Variants in LAMB4 observed in about 807,000 individuals in gnomAD.
LAMB4 encodes the protein laminin subunit beta-4.
A neutral mutation model predicts 199.2 loss-of-function variants in LAMB4; 196 were observed. The observed-to-expected ratio is 0.98, with a 90% CI of 0.88 to 1.11. The LOEUF is 1.11. Ranked by LOEUF, LAMB4 falls within the 50% of genes least tolerant of loss-of-function variation. The pLI is 0.00. For synonymous variants in LAMB4, 744 were observed against 770.6 expected (o/e 0.97, Z 0.57); for missense variants, 2,080 against 2,171.2 (o/e 0.96, Z 0.83).
In LAMB4 at chr7:108,055,917, C is replaced by G; in HGVS notation, c.3470G>C (p.Arg1157Thr). Residue 1157 changes from arginine (R) to threonine (T), a missense_variant, in exon 25 of 34, where the codon AGA (arginine) becomes ACA (threonine). By Grantham distance (71) the Arg-to-Thr change is moderately conservative. Coordinates refer to ENST00000388781, the MANE Select transcript of LAMB4 (RefSeq NM_007356.3). ...CRCREGVSGQ[R>T]CDRCARGHSQ... ...GTGTCCCCGGGCACAGCGATCACAT[C>G]TCTGGCCGCTGACACCCTCCCGGCA... 1 of 1,614,178 alleles carries G rather than the reference C, an allele frequency of 6.2e-7. No homozygotes were observed. The highest frequency in any genetic ancestry group is 8.5e-7 in the Non-Finnish European group (1 of 1,180,028).
intron 17 of LAMB4, among the ~76,000 whole-genome samples, chr7:108,076,218 T>C (rs545094307): frequency 2.0e-4 from 30 of 151,758 alleles, no homozygotes; most frequent in African/African-American, 7.0e-4. Context: ...GTAGGGAAAA[T>C]AGATAAGTAA....
chr7:108,097,528 G>A (rs924463178), intron 11 of LAMB4, among the ~76,000 whole-genome samples: 4 of 152,232 alleles, frequency 2.6e-5, no homozygotes, highest in Admixed American at 6.5e-5. Flanking sequence ...GCTCACGCCT[G>A]TAATCCCAGC....
rs1243193446 is a variant in LAMB4 at position 108,123,261 on chromosome 7, A to T, written c.-33-64T>A. The stretch of plus-strand genomic sequence containing the variant: ...GAAATAATTGCCATCATCACATGTT[A>T]TGTAAAAGTGCTTAGGGTTATCGAA... On this transcript the variant is annotated intron_variant, in intron 1 of 33. Coordinates refer to ENST00000388781, the MANE Select transcript of LAMB4 (RefSeq NM_007356.3). 6 of 987,610 alleles carry T rather than the reference A, an allele frequency of 6.1e-6. No individual in the cohort carries two copies. In the East Asian group the frequency reaches 1.2e-4, roughly 20 times the overall value. 61.2% of individuals were successfully genotyped at this position (987,610 alleles called of 1,614,324 possible). A position where few individuals can be genotyped will look rare whatever the true frequency, so the allele number is the denominator to read the frequency against.
chr7:108,129,327 G>A (rs1043440549), intron 1 of LAMB4, among the ~76,000 whole-genome samples: 1 of 152,134 alleles, frequency 6.6e-6, no homozygotes, highest in African/African-American at 2.4e-5. Context: ...TTATAACACA[G>A]AAGATAATTA....
chr7:108,025,416 T>C (rs1004953315), intron 33 of LAMB4, among the ~76,000 whole-genome samples: 1 of 118,150 alleles, frequency 8.5e-6, no homozygotes, highest in Admixed American at 7.9e-5. Context: ...TTTCTTTCTT[T>C]CTTCTTTCTT....
intron 14 of LAMB4, among the ~76,000 whole-genome samples, chr7:108,082,212 C>G (rs2036973897): frequency 6.6e-6 from 1 of 151,870 alleles, no homozygotes; most frequent in Admixed American, 6.6e-5. Flanking sequence ...CACCTGTAGT[C>G]CCGGCTACTT....
chr7:108,106,485 T>C (rs779498841), intron 7 of LAMB4, 24 bp downstream of exon 7: 1 of 1,387,118 alleles, frequency 7.2e-7, no homozygotes, highest in South Asian at 1.2e-5. Flanking sequence ...AAAGCTGATA[T>C]GAAAAATATA....
intron 2 of LAMB4, among the ~76,000 whole-genome samples, chr7:108,122,720 T>C (rs1203382395): frequency 6.6e-6 from 1 of 152,206 alleles, no homozygotes; most frequent in African/African-American, 2.4e-5. Flanking sequence ...GCATGGAGAA[T>C]TTGGCCTTTT....
chr7:108,077,057 G>A lies in LAMB4; in HGVS notation c.2011C>T (p.Leu671=), dbSNP rs2036730311. 6.2e-7 allele frequency: 1 copy of A among 1,613,396 alleles called. No individual in the cohort carries two copies. The highest frequency in any genetic ancestry group is 1.3e-5 in the African/African-American group (1 of 75,046). ...TCTAAACAGATGGGTGTGGGAAGCA[G>A]CATGATTCTGTATTAAGAAAGATAA... The part of the protein sequence containing the change: ...FALPAATRIM[L]LPTPICLEPD... Residue 671 remains leucine, a synonymous_variant, in exon 17 of 34, where the codon CTG becomes TTG. Transcript: ENST00000388781.
intron 14 of LAMB4, 110 bp downstream of exon 14, chr7:108,091,516 C>T: frequency 7.9e-7 from 1 of 1,272,226 alleles, no homozygotes; most frequent in Non-Finnish European, 1.1e-6. Context: ...CATCTTTGGG[C>T]AAAAGCATTC....
intron 23 of LAMB4, among the ~76,000 whole-genome samples, chr7:108,059,296 C>T (rs1450661663): frequency 1.3e-5 from 2 of 151,732 alleles, no homozygotes; most frequent in Non-Finnish European, 2.9e-5. Flanking sequence ...TTAGTAGAGA[C>T]GGGGTTGAAT....
chr7:108,090,507 C>T (rs1031067334), intron 14 of LAMB4, among the ~76,000 whole-genome samples: 1 of 152,090 alleles, frequency 6.6e-6, no homozygotes, highest in African/African-American at 2.4e-5. Context: ...ACCCCCCTCA[C>T]AAATGAAATC....
the LAMB4 span, among the ~76,000 whole-genome samples, chr7:108,016,469 A>G: frequency 4.6e-5 from 7 of 151,976 alleles, no homozygotes; most frequent in Non-Finnish European, 1.0e-4. Flanking sequence ...TTTTTAGTAG[A>G]GATGGCGTTT....
chr7:108,063,925 G>C lies in LAMB4; in HGVS notation c.2897C>G (p.Pro966Arg), dbSNP rs1456051870. 1 of 1,614,170 alleles carries C rather than the reference G, an allele frequency of 6.2e-7. No homozygotes were observed. ...GTTGTTGCAGGCACATGGTTGGCAA[G>C]GTGCTCCTGAAATTCTTGGATTTCC... The part of the protein sequence containing the change: ...FYGNPRISGA[P>R]CQPCACNNNI... The change falls in exon 22 of 34, where the codon CCT becomes CGT. Residue 966 changes from proline to arginine, a missense_variant. By Grantham distance (103) the Pro-to-Arg change is moderately radical. Transcript: ENST00000388781.
At position 108,065,799 on chromosome 7, in the gene LAMB4, G is replaced by A; in HGVS notation, c.2799C>T (p.Ser933=). The change falls in exon 21 of 34, where the codon AGC becomes AGT. Residue 933 remains serine, a synonymous_variant. Coordinates refer to ENST00000388781, the MANE Select transcript of LAMB4 (RefSeq NM_007356.3). ...FAHSCYQNLW[S]SDVICNCLQG... is the part of the protein sequence containing the mutation. Reference sequence around the variant, plus strand: ...GAAGACAATTGCAGATTACATCTGAGCTCCACAGATTCTGATAACAGGAAT... The same window carrying A: ...GAAGACAATTGCAGATTACATCTGAACTCCACAGATTCTGATAACAGGAAT... 1 of 1,614,108 alleles carries A rather than the reference G, an allele frequency of 6.2e-7. No homozygotes were observed. Among genetic ancestry groups the A allele is most frequent in the Non-Finnish European group, 8.5e-7 (1 of 1,179,968 alleles).
chr7:108,014,380 C>T, the LAMB4 span, among the ~76,000 whole-genome samples: 1 of 152,156 alleles, frequency 6.6e-6, no homozygotes, highest in Non-Finnish European at 1.5e-5. Context: ...GTTACAGTAG[C>T]CACGATTAAT....
chr7:108,075,194 T>C (rs1235817027), intron 17 of LAMB4, among the ~76,000 whole-genome samples: 3 of 152,232 alleles, frequency 2.0e-5, no homozygotes, highest in Non-Finnish European at 4.4e-5. Context: ...ATGGATTATA[T>C]AGTTAGGGAA....
intron 17 of LAMB4, among the ~76,000 whole-genome samples, chr7:108,073,123 G>A (rs2036588308): frequency 6.6e-6 from 1 of 152,176 alleles, no homozygotes; most frequent in Non-Finnish European, 1.5e-5. Flanking sequence ...TCCTGCCTCA[G>A]CCTCCCCAAG....
intron 11 of LAMB4, among the ~76,000 whole-genome samples, chr7:108,097,589 T>C (rs2037658649): frequency 6.6e-6 from 1 of 152,050 alleles, no homozygotes; most frequent in Admixed American, 6.6e-5. Context: ...ACAGAGACCA[T>C]CTTGGCTAAC....
Sources: gnomAD v4.1 joint callset for allele counts (sites outside exome capture counted in the v4.1 genomes callset) on GRCh38, gnomAD v4.1.1 for gene constraint, MANE v1.5 for transcripts, NCBI Gene and HGNC (gene_info 2026-07-23, HGNC 2026-07-21) for gene names.